Variants in GFRA1 observed in about 807,000 individuals in gnomAD.
GFRA1 encodes the protein GDNF family receptor alpha-1.
Under a neutral mutation model 51.6 loss-of-function variants are expected in GFRA1, and 16 were observed. That is an observed-to-expected ratio of 0.31 (90% CI 0.21 to 0.47). The LOEUF is 0.47. Among genes scored for constraint, GFRA1 ranks in the 20% least tolerant of loss-of-function variants. The pLI, the probability that GFRA1 is intolerant of heterozygous loss-of-function variation, is 1.00. For synonymous variants in GFRA1, 270 were observed against 241.3 expected, an observed-to-expected ratio of 1.12 and a Z score of -1.10; for missense variants, 530 against 594.3, an observed-to-expected ratio of 0.89 and a Z score of 1.13.
At chr10:116,122,069 T>G (rs1957667613) in intron 6 of GFRA1, among the ~76,000 whole-genome samples, 1 of 152,130 alleles carries the variant, frequency 6.6e-6, no homozygotes, top group Non-Finnish European at 1.5e-5. Flanking sequence ...CTAAATCACT[T>G]GACAATGGGT....
At chr10:116,142,919 G>C (rs953890531) in intron 5 of GFRA1, among the ~76,000 whole-genome samples, 4 of 152,114 alleles carry the variant, frequency 2.6e-5, no homozygotes, top group Admixed American at 6.5e-5. Flanking sequence ...TTTTTCCACT[G>C]CATGAAATGA....
At chr10:116,094,399 A>C (rs1387618505) in intron 7 of GFRA1, among the ~76,000 whole-genome samples, 1 of 152,182 alleles carries the variant, frequency 6.6e-6, no homozygotes, top group Non-Finnish European at 1.5e-5. Flanking sequence ...CTGGAAACAA[A>C]CAGTGGAAAT....
At chr10:116,135,515 T>C (rs1252058903) in intron 5 of GFRA1, among the ~76,000 whole-genome samples, 2 of 152,248 alleles carry the variant, frequency 1.3e-5, no homozygotes, top group Non-Finnish European at 2.9e-5. Flanking sequence ...TGTATTAAGA[T>C]GGCACAATTT....
chr10:116,216,824 A>G (rs1350871082), intron 4 of GFRA1, among the ~76,000 whole-genome samples: 1 of 152,186 alleles, frequency 6.6e-6, no homozygotes, highest in Non-Finnish European at 1.5e-5. Context: ...GGACCTAACT[A>G]ACCAGGGACA....
chr10:116,257,558 GT>G (rs1266675048), intron 4 of GFRA1, among the ~76,000 whole-genome samples: 1 of 152,026 alleles, frequency 6.6e-6, no homozygotes, highest in Non-Finnish European at 1.5e-5. Context: ...CTCATTTTTT[GT>G]TTTCCCAGAA....
intron 5 of GFRA1, among the ~76,000 whole-genome samples, chr10:116,143,056 G>A (rs1220172583): frequency 2.0e-5 from 3 of 152,118 alleles, no homozygotes; most frequent in Admixed American, 6.5e-5. Context: ...CATATTTTGG[G>A]AGCTTTAATT....
intron 10 of GFRA1, among the ~76,000 whole-genome samples, chr10:116,064,904 C>T (rs1447261540): frequency 6.6e-6 from 1 of 152,152 alleles, no homozygotes; most frequent in Non-Finnish European, 1.5e-5. Flanking sequence ...TGGAGACAGG[C>T]AGAGCAGCCT....
chr10:116,253,246 C>T (rs1391753253), intron 4 of GFRA1, among the ~76,000 whole-genome samples: 1 of 152,214 alleles, frequency 6.6e-6, no homozygotes, highest in Non-Finnish European at 1.5e-5. Context: ...TAAGTGGAAG[C>T]ACAGAGCGCC....
At chr10:116,230,580 G>C (rs1966614342) in intron 4 of GFRA1, among the ~76,000 whole-genome samples, 1 of 152,162 alleles carries the variant, frequency 6.6e-6, no homozygotes, top group Non-Finnish European at 1.5e-5. Context: ...AGCTAGTGTA[G>C]GGAAGAGTTC....
At chr10:116,174,500 C>T (rs1961386056) in intron 5 of GFRA1, among the ~76,000 whole-genome samples, 1 of 152,174 alleles carries the variant, frequency 6.6e-6, no homozygotes, top group Admixed American at 6.6e-5. Flanking sequence ...TGTTGTTAGG[C>T]AGCAGAGGCC....
chr10:116,139,261 C>T (rs1291018119), intron 5 of GFRA1, among the ~76,000 whole-genome samples: 2 of 152,188 alleles, frequency 1.3e-5, no homozygotes, highest in African/African-American at 4.8e-5. Context: ...TTCACACAAG[C>T]ATGTTGGTTT....
At chr10:116,091,283 C>T (rs547294889) in intron 8 of GFRA1, among the ~76,000 whole-genome samples, 54 of 152,338 alleles carry the variant, frequency 3.5e-4, no homozygotes, top group Admixed American at 2.4e-3. Context: ...ATGGGGCACA[C>T]AGTAGTGAAC....
intron 9 of GFRA1, among the ~76,000 whole-genome samples, chr10:116,072,072 CTTTTT>C (rs572390494): frequency 2.1e-5 from 3 of 142,518 alleles, no homozygotes; most frequent in Admixed American, 7.1e-5. Flanking sequence ...AATCCAAAGG[CTTTTT>C]TTTTTTTCAG....
chr10:116,243,558 G>GT (rs35824577), intron 4 of GFRA1, among the ~76,000 whole-genome samples: 14 of 148,654 alleles, frequency 9.4e-5, no homozygotes, highest in African/African-American at 3.2e-4. Flanking sequence ...AAAGGGTTTG[G>GT]TTTTTTTTTT....
intron 4 of GFRA1, among the ~76,000 whole-genome samples, chr10:116,228,623 G>GA (rs1227008525): frequency 6.6e-6 from 1 of 151,982 alleles, no homozygotes; most frequent in African/African-American, 2.4e-5. Flanking sequence ...TTACAATGGT[G>GA]AAAAAAGGGT....
At chr10:116,096,476 TTTC>T (rs201892845) in intron 7 of GFRA1, among the ~76,000 whole-genome samples, 176 bp downstream of exon 7, 2,160 of 127,238 alleles carry the variant, frequency 0.017, 61 homozygotes, top group African/African-American at 0.052. Flanking sequence ...ATCCCATTTT[TTTC>T]TTCTTTTTTT....
At chr10:116,124,512 T>A (rs1328343145) in intron 6 of GFRA1, among the ~76,000 whole-genome samples, 2 of 152,192 alleles carry the variant, frequency 1.3e-5, no homozygotes, top group Non-Finnish European at 2.9e-5. Flanking sequence ...ATTTCAGGCG[T>A]GAGCCACCAC....
At position 116,270,889 on chromosome 10, in the gene GFRA1, G is replaced by A. The variant is rs753463711; in HGVS notation, c.267C>T (p.Cys89=). 1.2e-6 allele frequency: 2 copies of A among 1,614,014 alleles called. No homozygotes were observed. The highest frequency in any genetic ancestry group is 1.7e-5 in the Admixed American group (1 of 60,030). Reference sequence around the variant, plus strand: ...TCTTCTCCTTCTTCATACCCCGCTTGCAGCGGCAGTTGTAGAGCGACTTCT... The same window carrying A: ...TCTTCTCCTTCTTCATACCCCGCTTACAGCGGCAGTTGTAGAGCGACTTCT... ...LKQKSLYNCR[C]KRGMKKEKNC... Residue 89 remains cysteine, a synonymous_variant, in exon 3 of 11, where the codon TGC becomes TGT. Coordinates refer to ENST00000355422, the MANE Select transcript of GFRA1 (RefSeq NM_005264.8).
At chr10:116,073,922 C>T (rs967665234) in intron 9 of GFRA1, among the ~76,000 whole-genome samples, 1 of 152,062 alleles carries the variant, frequency 6.6e-6, no homozygotes, top group Non-Finnish European at 1.5e-5. Context: ...GTTCAGAAGA[C>T]AGAACATGGT....
Sources: gnomAD v4.1 joint callset for allele counts (sites outside exome capture counted in the v4.1 genomes callset) on GRCh38, gnomAD v4.1.1 for gene constraint, MANE v1.5 for transcripts, NCBI Gene and HGNC (gene_info 2026-07-23, HGNC 2026-07-21) for gene names.